Variants in VAX2 observed in about 807,000 individuals in gnomAD.
VAX2 encodes ventral anterior homeobox 2.
In VAX2, 8 loss-of-function variants were observed where a neutral mutation model predicts 12.5. The observed-to-expected ratio is 0.64, with a 90% CI of 0.37 to 1.15. The LOEUF is 1.15. Ranked by LOEUF, VAX2 falls within the 50% of genes most tolerant of loss-of-function variation. The probability of loss-of-function intolerance (pLI) is 0.01; values close to 1 mark genes in which losing one functional copy is unlikely to be tolerated. For synonymous variants in VAX2, 183 were observed against 187.6 expected, an observed-to-expected ratio of 0.98 and a Z score of 0.20; for missense variants, 476 against 412.9, an observed-to-expected ratio of 1.15 and a Z score of -1.32.
Position 70,921,244 on chromosome 2 carries a change from C to A in VAX2, c.394C>A (p.Arg132Ser). 4 of 1,612,948 alleles carry A rather than the reference C, an allele frequency of 2.5e-6. No individual in the cohort carries two copies. The highest frequency in any genetic ancestry group is 3.4e-6 in the Non-Finnish European group (4 of 1,179,678). ...CTGCCAGTATGTGGTGGGCCGCGAG[C>A]GCACTGAGCTGGCCCGCCAGCTGAA... ...QRCQYVVGRE[R>S]TELARQLNLS... The change falls in exon 2 of 3, where the codon CGC becomes AGC. Residue 132 changes from arginine to serine, a missense_variant. Arg to Ser is a moderately radical substitution (Grantham distance 110). Transcript: ENST00000234392.
chr2:70,928,828 C>G (rs1679628249), intron 2 of VAX2, among the ~76,000 whole-genome samples: 1 of 152,252 alleles, frequency 6.6e-6, no homozygotes, highest in Non-Finnish European at 1.5e-5. Flanking sequence ...CGATAAATAA[C>G]TATTCACATT....
chr2:70,908,062 G>A (rs139461188), intron 1 of VAX2, among the ~76,000 whole-genome samples: 330 of 152,232 alleles, frequency 2.2e-3, no homozygotes, highest in African/African-American at 7.6e-3. Flanking sequence ...CCGAAGGCAG[G>A]GTTCTTCTAG....
At chr2:70,925,165 T>C (rs530687854) in intron 2 of VAX2, among the ~76,000 whole-genome samples, 1 of 152,292 alleles carries the variant, frequency 6.6e-6, no homozygotes, top group Admixed American at 6.5e-5. Flanking sequence ...GCTTAGAGAC[T>C]ATGGTAATAC....
intron 2 of VAX2, among the ~76,000 whole-genome samples, chr2:70,927,469 C>T (rs1400820398): frequency 3.3e-5 from 5 of 151,060 alleles, no homozygotes; most frequent in African/African-American, 7.3e-5. Context: ...CAGAACAGCA[C>T]GATAGATGGT....
At chr2:70,920,623 T>TCATG (rs1679435338) in intron 1 of VAX2, among the ~76,000 whole-genome samples, 1 of 127,078 alleles carries the variant, frequency 7.9e-6, no homozygotes, top group Admixed American at 8.0e-5. Context: ...TGACACTCCT[T>TCATG]CATGCATGCA....
At chr2:70,915,216 G>A (rs1163640148) in intron 1 of VAX2, among the ~76,000 whole-genome samples, 4 of 151,288 alleles carry the variant, frequency 2.6e-5, no homozygotes, top group South Asian at 2.1e-4. Context: ...CATCCTTTGT[G>A]TTTCCTTTAC....
intron 2 of VAX2, among the ~76,000 whole-genome samples, chr2:70,928,383 G>A (rs782565136): frequency 6.6e-6 from 1 of 152,194 alleles, no homozygotes; most frequent in Non-Finnish European, 1.5e-5. Context: ...CATGAGGCCC[G>A]GACATCATCC....
intron 2 of VAX2, among the ~76,000 whole-genome samples, chr2:70,931,445 G>T (rs1679691650): frequency 1.3e-5 from 2 of 152,178 alleles, no homozygotes; most frequent in Non-Finnish European, 2.9e-5. Flanking sequence ...TTCAAACCGG[G>T]CAATGGCCAG....
At chr2:70,917,102 G>T (rs1173681042) in intron 1 of VAX2, among the ~76,000 whole-genome samples, 1 of 143,276 alleles carries the variant, frequency 7.0e-6, no homozygotes, top group African/African-American at 2.6e-5. Flanking sequence ...AGTGAGCCGA[G>T]ATCGCGCCAC....
rs1450847283 is a variant in VAX2, at chr2:70,932,977, G to C, written c.646G>C (p.Gly216Arg). 6.2e-7 allele frequency: 1 copy of C among 1,610,866 alleles called. No homozygotes were observed. Among genetic ancestry groups the C allele is most frequent in the Non-Finnish European group, 8.5e-7 (1 of 1,178,206 alleles). ...SLPGLPASHRGTSLGDPRNSS... is the reference protein window; with the variant it reads ...SLPGLPASHRRTSLGDPRNSS... ...GCCAGGCCTACCTGCCAGCCACAGGGGCACCTCCTTAGGTGACCCCAGGAA... is the reference window on the plus strand; with the variant it reads ...GCCAGGCCTACCTGCCAGCCACAGGCGCACCTCCTTAGGTGACCCCAGGAA... Residue 216 changes from glycine to arginine, a missense_variant, in exon 3 of 3, where the codon GGC becomes CGC. Transcript: ENST00000234392.
At chr2:70,918,635 G>A (rs570660335) in intron 1 of VAX2, among the ~76,000 whole-genome samples, 4 of 152,248 alleles carry the variant, frequency 2.6e-5, no homozygotes, top group African/African-American at 7.2e-5. Context: ...AGTGGCTCAC[G>A]CCTGTAATCC....
intron 1 of VAX2, among the ~76,000 whole-genome samples, chr2:70,903,811 G>GA (rs561656144): frequency 3.8e-4 from 58 of 152,278 alleles, no homozygotes; most frequent in African/African-American, 1.1e-3. Flanking sequence ...TCTGGGCCCG[G>GA]GGCCTGGGCT....
At chr2:70,925,356 T>C (rs1224076928) in intron 2 of VAX2, among the ~76,000 whole-genome samples, 1 of 152,116 alleles carries the variant, frequency 6.6e-6, no homozygotes, top group Non-Finnish European at 1.5e-5. Flanking sequence ...GGCACTCTAA[T>C]TTAGTGCTGG....
intron 1 of VAX2, among the ~76,000 whole-genome samples, chr2:70,912,871 C>A (rs184727579): frequency 1.3e-5 from 2 of 148,942 alleles, no homozygotes; most frequent in East Asian, 3.9e-4. Context: ...AGAATTCACC[C>A]TCCCACATAC....
intron 1 of VAX2, among the ~76,000 whole-genome samples, chr2:70,916,890 C>A (rs975834527): frequency 6.6e-6 from 1 of 152,110 alleles, no homozygotes; most frequent in Non-Finnish European, 1.5e-5. Context: ...ACAGCTCACG[C>A]CTGTAATCCC....
At chr2:70,915,229 C>T (rs1186758009) in intron 1 of VAX2, among the ~76,000 whole-genome samples, 1 of 150,166 alleles carries the variant, frequency 6.7e-6, no homozygotes, top group African/African-American at 2.5e-5. Flanking sequence ...TCCTTTACAG[C>T]CTCCAGTTTT....
chr2:70,926,207 C>T (rs782508160), intron 2 of VAX2, among the ~76,000 whole-genome samples: 1 of 152,162 alleles, frequency 6.6e-6, no homozygotes, highest in Non-Finnish European at 1.5e-5. Context: ...GACAAAGGGT[C>T]CACCAGAGTA....
intron 1 of VAX2, among the ~76,000 whole-genome samples, chr2:70,915,119 A>ATT (rs35382480): frequency 6.8e-6 from 1 of 147,654 alleles, no homozygotes. Context: ...TCTTAAATGT[A>ATT]TTTTTTTTTT....
intron 1 of VAX2, among the ~76,000 whole-genome samples, chr2:70,915,118 T>C (rs1434395473): frequency 6.6e-6 from 1 of 150,734 alleles, no homozygotes; most frequent in Non-Finnish European, 1.5e-5. Context: ...CTCTTAAATG[T>C]ATTTTTTTTT....
Sources: allele counts gnomAD v4.1 joint callset (sites outside exome capture counted in the v4.1 genomes callset), GRCh38; gene constraint gnomAD v4.1.1; transcripts MANE v1.5; gene names NCBI Gene and HGNC (gene_info 2026-07-23, HGNC 2026-07-21).